The following CEP57 variants were observed in gnomAD, a reference collection of about 807,000 sequenced individuals.
CEP57 encodes centrosomal protein 57.
In CEP57, 40 loss-of-function variants were observed where a neutral mutation model predicts 68.0. The observed-to-expected ratio is 0.59, with a 90% CI of 0.46 to 0.77. The LOEUF (loss-of-function observed/expected upper bound fraction) is 0.77, where lower values mean the gene tolerates loss of function less well. CEP57 is among the 30% of genes least tolerant of loss of function. The pLI, the probability that CEP57 is intolerant of heterozygous loss-of-function variation, is 0.00. For missense variants in CEP57, 606 were observed against 580.7 expected (o/e 1.04, Z -0.45); for synonymous variants, 219 against 198.7 (o/e 1.10, Z -0.86).
chr11:95,799,514 C>G (rs937948459), intron 2 of CEP57, 126 bp downstream of exon 2: 1 of 1,142,410 alleles, frequency 8.8e-7, no homozygotes, highest in East Asian at 2.4e-5. Context: ...GTTTCAGCCC[C>G]CAGAAAATAT....
At chr11:95,790,487 G>A, upstream of CEP57, 1 of 604,952 alleles carries the variant, frequency 1.7e-6, no homozygotes, top group Non-Finnish European at 2.9e-6. Context: ...CGTCCGTTAG[G>A]ACGTGTTGCC....
intron 3 of CEP57, 60 bp from the exon 4 acceptor site, chr11:95,813,408 G>C: frequency 6.3e-7 from 1 of 1,583,722 alleles, no homozygotes; most frequent in East Asian, 2.2e-5. Flanking sequence ...CCTGTTAACA[G>C]CTTGTTAAAA....
intron 8 of CEP57, among the ~76,000 whole-genome samples, chr11:95,825,235 A>ATCTTT (rs1171588708): frequency 6.6e-6 from 1 of 152,252 alleles, no homozygotes; most frequent in African/African-American, 2.4e-5. Context: ...TGATGCCATC[A>ATCTTT]TTTTTATAGA....
At chr11:95,828,087 C>T in intron 9 of CEP57, 60 bp downstream of exon 9, 4 of 1,533,122 alleles carry the variant, frequency 2.6e-6, no homozygotes, top group Non-Finnish European at 3.5e-6. Flanking sequence ...TTTTTAAAAA[C>T]TTGTTGACTT....
At chr11:95,828,805 G>C (rs59882904) in intron 9 of CEP57, among the ~76,000 whole-genome samples, 43 of 152,172 alleles carry the variant, frequency 2.8e-4, no homozygotes, top group African/African-American at 1.0e-3. Flanking sequence ...GCTCACACCT[G>C]TAATCCCAGC....
intron 1 of CEP57, chr11:95,794,413 T>C: frequency 2.3e-6 from 1 of 436,972 alleles, no homozygotes; most frequent in Non-Finnish European, 4.6e-6. Context: ...ACCAAGTGAT[T>C]ATACCAACAA....
chr11:95,810,397 G>C (rs1490511591), intron 2 of CEP57, among the ~76,000 whole-genome samples: 1 of 152,152 alleles, frequency 6.6e-6, no homozygotes, highest in Non-Finnish European at 1.5e-5. Flanking sequence ...GTTAGGAAAA[G>C]AGGAAGTCAA....
At position 95,831,047 on chromosome 11, in the gene CEP57, A is replaced by G. The variant is rs550796220; in HGVS notation, c.1294A>G (p.Lys432Glu). The G allele has an allele frequency of 4.3e-6, 7 of 1,612,166 alleles. No individual in the cohort carries two copies. The South Asian group carries it at 7.7e-5, about 18-fold the overall frequency. The change falls in exon 11 of 11, where the codon AAG becomes GAG. Residue 432 changes from lysine to glutamate, a missense_variant. By Grantham distance (56) the Lys-to-Glu change is moderately conservative. Transcript: ENST00000325542. ...ATAGCTGGAGAAACAGAAGTTAGAG[A>G]AGCAGAAGAAGGAATTAAAAGCTAC... ...QAQLEKQKLEKQKKELKATKK... is the reference protein window; with the variant it reads ...QAQLEKQKLEEQKKELKATKK...
At chr11:95,817,666 A>G in intron 4 of CEP57, 121 bp from the exon 5 acceptor site, 1 of 730,808 alleles carries the variant, frequency 1.4e-6, no homozygotes, top group African/African-American at 1.7e-5. Context: ...TTTCATCTTA[A>G]TGTTATTTTC....
At chr11:95,790,360 C>A (rs978839302), upstream of CEP57, 7 of 442,214 alleles carry the variant, frequency 1.6e-5, no homozygotes, top group Admixed American at 1.5e-4. Context: ...GCCTGTAACC[C>A]CGGCGTTGTC....
chr11:95,803,617 A>C (rs576631329), intron 2 of CEP57, among the ~76,000 whole-genome samples: 12 of 141,524 alleles, frequency 8.5e-5, no homozygotes, highest in Non-Finnish European at 1.8e-4. Context: ...TAATGACAGA[A>C]ATGTCCCAAG....
chr11:95,816,519 A>G (rs1239703898), intron 4 of CEP57, among the ~76,000 whole-genome samples: 2 of 152,194 alleles, frequency 1.3e-5, no homozygotes, highest in Non-Finnish European at 2.9e-5. Context: ...GTTTTGACTA[A>G]TATATGTCTT....
chr11:95,790,504 G>C lies in CEP57; in HGVS notation c.-195G>C, dbSNP rs963306474. 4.8e-6 allele frequency: 3 copies of C among 624,138 alleles called. No individual in the cohort carries two copies. Among genetic ancestry groups the C allele is most frequent in the African/African-American group, 1.8e-5 (1 of 54,256 alleles). 38.7% of individuals were successfully genotyped at this position (624,138 alleles called of 1,614,324 possible). Reference sequence around the variant, plus strand: ...TCCGTTAGGACGTGTTGCCCTTTCTGTGTAAGCTGTGAGCGTAGGCGGCCC... The same window carrying C: ...TCCGTTAGGACGTGTTGCCCTTTCTCTGTAAGCTGTGAGCGTAGGCGGCCC... On this transcript the variant is annotated 5_prime_UTR_variant, in exon 1 of 11. Coordinates refer to ENST00000325542, the MANE Select transcript of CEP57 (RefSeq NM_014679.5).
At chr11:95,804,867 A>AT (rs145762468) in intron 2 of CEP57, among the ~76,000 whole-genome samples, 8,438 of 152,160 alleles carry the variant, frequency 0.055, 739 homozygotes, top group African/African-American at 0.19. Flanking sequence ...TATGGGTGTG[A>AT]TTTTTTTCCT....
chr11:95,810,299 G>T (rs1168851639), intron 2 of CEP57, among the ~76,000 whole-genome samples: 1 of 152,194 alleles, frequency 6.6e-6, no homozygotes, highest in Non-Finnish European at 1.5e-5. Flanking sequence ...ACAAGACAGG[G>T]ATGCCGTCTC....
At chr11:95,807,921 A>T (rs531424695) in intron 2 of CEP57, among the ~76,000 whole-genome samples, 1 of 152,382 alleles carries the variant, frequency 6.6e-6, no homozygotes, top group South Asian at 2.1e-4. Context: ...TAATTGTCAG[A>T]TTCACCAAAG....
At chr11:95,802,484 AC>A (rs1861624323) in intron 2 of CEP57, among the ~76,000 whole-genome samples, 1 of 151,878 alleles carries the variant, frequency 6.6e-6, no homozygotes, top group Non-Finnish European at 1.5e-5. Flanking sequence ...CGATCTCTTG[AC>A]CTCGTGATCC....
rs1862991298 is a variant in CEP57 at position 95,831,155 on chromosome 11, C to T, written c.1402C>T (p.Leu468=). ...CACAAATAAGAAAGATTTTATGAAA[C>T]TGAGACCTGGAGAAAAAAGGAGAAA... is the stretch of plus-strand genomic sequence containing the variant. ...GTTNKKDFMK[L]RPGEKRRKNL... Residue 468 remains leucine, a synonymous_variant, in exon 11 of 11, where the codon CTG becomes TTG. Coordinates refer to ENST00000325542, the MANE Select transcript of CEP57 (RefSeq NM_014679.5). 6.2e-7 allele frequency: 1 copy of T among 1,613,276 alleles called. No individual in the cohort carries two copies. Among genetic ancestry groups the T allele is most frequent in the Admixed American group, 1.7e-5 (1 of 59,966 alleles).
At chr11:95,810,153 C>G (rs755490465) in intron 2 of CEP57, among the ~76,000 whole-genome samples, 12 of 152,278 alleles carry the variant, frequency 7.9e-5, no homozygotes, top group African/African-American at 2.6e-4. Context: ...TTCAGCAGCC[C>G]TTCATGCTAA....
Sources: allele counts gnomAD v4.1 joint callset (sites outside exome capture counted in the v4.1 genomes callset), GRCh38; gene constraint gnomAD v4.1.1; transcripts MANE v1.5; gene names NCBI Gene and HGNC (gene_info 2026-07-23, HGNC 2026-07-21).